The following PCDHA1 variants were observed in gnomAD, a reference collection of about 807,000 sequenced individuals.
The protein encoded by PCDHA1 is protocadherin alpha 1.
In PCDHA1, 42 loss-of-function variants were observed where a neutral mutation model predicts 61.3. That is an observed-to-expected ratio of 0.69 (90% CI 0.54 to 0.89). The LOEUF (loss-of-function observed/expected upper bound fraction) is 0.89, where lower values mean the gene tolerates loss of function less well. Among genes scored for constraint, PCDHA1 ranks in the 40% least tolerant of loss-of-function variants. PCDHA1 has a pLI of 0.00. For missense variants in PCDHA1, 1,256 were observed against 1,235.3 expected, an observed-to-expected ratio of 1.02 and a Z score of -0.25; for synonymous variants, 610 against 553.8, an observed-to-expected ratio of 1.10 and a Z score of -1.43.
intron 3 of PCDHA1, among the ~76,000 whole-genome samples, chr5:140,999,218 C>T (rs1410560466): frequency 6.6e-6 from 1 of 152,180 alleles, no homozygotes; most frequent in Non-Finnish European, 1.5e-5. Context: ...GGAAGTACTA[C>T]ATTTGAGAAT....
At chr5:140,877,192 G>A in intron 1 of PCDHA1, 2 of 1,613,846 alleles carry the variant, frequency 1.2e-6, no homozygotes, top group Non-Finnish European at 1.7e-6. Flanking sequence ...TGGCAGCGCA[G>A]GAGGCGCAGT....
chr5:140,919,258 A>G (rs2079053720), intron 1 of PCDHA1, among the ~76,000 whole-genome samples: 1 of 152,178 alleles, frequency 6.6e-6, no homozygotes, highest in African/African-American at 2.4e-5. Flanking sequence ...TTTGTCTGAT[A>G]TTAGTGTAGT....
rs139860906 is a variant in PCDHA1, at chr5:140,989,355, C to T, written c.2542+6792C>T. On this transcript the variant is annotated intron_variant, in intron 3 of 3. Transcript: ENST00000504120. Reference sequence around the variant, plus strand: ...CTGACTCAGCTCAAAGGTGATAGGTCACCTGTGTGACTGAGAGCTTTGTGG... The same window carrying T: ...CTGACTCAGCTCAAAGGTGATAGGTTACCTGTGTGACTGAGAGCTTTGTGG... Among the ~76,000 whole-genome samples the T allele has an allele frequency of 1.6e-4, 25 of 152,258 alleles. No individual in the cohort carries two copies. In the East Asian group the frequency reaches 4.4e-3, roughly 27 times the overall value.
At chr5:140,862,948 G>T (rs782222335) in intron 1 of PCDHA1, 1 of 543,712 alleles carries the variant, frequency 1.8e-6, no homozygotes, top group South Asian at 1.4e-5. Context: ...GTGAGCTGGT[G>T]CGGTATTCAG....
rs145229632 is a variant in PCDHA1 at position 140,928,096 on chromosome 5, C to A, written c.2395-50853C>A. ...CTACTACAGCCTGCTGATTGATGGG[C>A]CCCTGGACCGGGAGCAGATCAGTGA... On this transcript the variant is annotated intron_variant, in intron 1 of 3. Coordinates refer to ENST00000504120, the MANE Select transcript of PCDHA1 (RefSeq NM_018900.4). 3.5e-5 allele frequency: 57 copies of A among 1,614,052 alleles called. No homozygotes were observed. In the African/African-American group the frequency reaches 6.8e-4, roughly 19 times the overall value.
At chr5:141,006,105 GT>G (rs79904017) in intron 3 of PCDHA1, among the ~76,000 whole-genome samples, 172 of 143,342 alleles carry the variant, frequency 1.2e-3, no homozygotes, top group East Asian at 2.0e-3. Context: ...ATGGTAAGGA[GT>G]TTTTTTTTTT....
intron 1 of PCDHA1, among the ~76,000 whole-genome samples, chr5:140,872,956 T>C (rs2054003251): frequency 6.6e-6 from 1 of 152,228 alleles, no homozygotes; most frequent in Admixed American, 6.5e-5. Context: ...CCACGTAGTA[T>C]CATCCCATCT....
In PCDHA1 at chr5:140,847,222, G is replaced by A. The variant is rs1156761082; in HGVS notation, c.2394+58538G>A. 2.0e-5 allele frequency among the ~76,000 whole-genome samples: 3 copies of A among 149,704 alleles called. 1 individual carries two copies. ...GGCCACTCTTTAGAATTAATTGGGA[G>A]CTATTTAACTACCTTGAGCAAAATA... On this transcript the variant is annotated intron_variant, in intron 1 of 3. Transcript: ENST00000504120.
chr5:140,969,404 G>A (rs1345885868), intron 1 of PCDHA1: 2 of 1,577,250 alleles, frequency 1.3e-6, no homozygotes, highest in Admixed American at 1.9e-5. Context: ...CTGTGATTTG[G>A]CTTTATTGAG....
chr5:140,883,508 G>A (rs939760233), intron 1 of PCDHA1: 1 of 1,614,202 alleles, frequency 6.2e-7, no homozygotes, highest in East Asian at 2.2e-5. Flanking sequence ...CAGCGCCCTG[G>A]ACCGCGAGAG....
At chr5:140,856,963 T>C (rs1249230816) in intron 1 of PCDHA1, 1 of 1,590,702 alleles carries the variant, frequency 6.3e-7, no homozygotes, top group African/African-American at 1.3e-5. Context: ...AAGTAAATGA[T>C]GCTATTGACT....
intron 1 of PCDHA1, chr5:140,807,363 T>C (rs1554123903): frequency 1.2e-6 from 2 of 1,609,620 alleles, no homozygotes; most frequent in East Asian, 2.2e-5. Context: ...CTGGCGGAGC[T>C]GGTGCCGCGC....
intron 2 of PCDHA1, among the ~76,000 whole-genome samples, chr5:140,981,701 C>A (rs546149642): frequency 5.3e-5 from 8 of 152,268 alleles, no homozygotes; most frequent in African/African-American, 1.9e-4. Context: ...TTCATTCATT[C>A]ATTCATTCAT....
chr5:140,788,947 G>A (rs1402189526), intron 1 of PCDHA1: 7 of 618,906 alleles, frequency 1.1e-5, no homozygotes, highest in African/African-American at 3.7e-5. Flanking sequence ...ACAATAAAAG[G>A]TAATGTTGGT....
intron 1 of PCDHA1, chr5:140,842,373 C>T (rs1554138976): frequency 1.9e-6 from 3 of 1,608,288 alleles, no homozygotes; most frequent in Admixed American, 1.7e-5. Flanking sequence ...CCTGAGATAG[C>T]ACTGACTTCC....
At chr5:140,971,845 G>C (rs370364575) in intron 1 of PCDHA1, among the ~76,000 whole-genome samples, 1 of 151,934 alleles carries the variant, frequency 6.6e-6, no homozygotes, top group Non-Finnish European at 1.5e-5. Flanking sequence ...CAAGTCATGC[G>C]TTAAATATTT....
chr5:140,816,123 A>G (rs1424717424), intron 1 of PCDHA1: 2 of 152,126 alleles, frequency 1.3e-5, no homozygotes, highest in Non-Finnish European at 2.9e-5. Context: ...CTTCTTTTGA[A>G]ACTGTCATAA....
intron 1 of PCDHA1, among the ~76,000 whole-genome samples, chr5:140,936,916 A>C (rs782442769): frequency 3.0e-4 from 46 of 152,222 alleles, no homozygotes; most frequent in Non-Finnish European, 6.6e-4. Context: ...ATCTGTAGAA[A>C]ATATGGGGTA....
rs1761318834 is a variant in PCDHA1 at position 140,786,588 on chromosome 5, G to T, written c.298G>T (p.Ala100Ser). The change falls in exon 1 of 4, where the codon GCG (alanine) becomes TCG (serine). Residue 100 changes from alanine (A) to serine (S), a missense_variant. Transcript: ENST00000504120. Reference protein sequence around the residue: ...IDREELCQWSAECSIHLELIA... With the variant: ...IDREELCQWSSECSIHLELIA... Reference sequence around the variant, plus strand: ...TCGCGAGGAGCTGTGCCAGTGGAGCGCGGAGTGCAGCATCCACCTGGAGTT... The same window carrying T: ...TCGCGAGGAGCTGTGCCAGTGGAGCTCGGAGTGCAGCATCCACCTGGAGTT... 2 of 1,614,134 alleles carry T rather than the reference G, an allele frequency of 1.2e-6. No individual in the cohort carries two copies. The highest frequency in any genetic ancestry group is 2.7e-5 in the African/African-American group (2 of 74,944).
Sources: allele counts gnomAD v4.1 joint callset (sites outside exome capture counted in the v4.1 genomes callset), GRCh38; gene constraint gnomAD v4.1.1; transcripts MANE v1.5; gene names NCBI Gene and HGNC (gene_info 2026-07-23, HGNC 2026-07-21).